Variants in EXTL3 observed in about 807,000 individuals in gnomAD.
EXTL3 encodes exostosin-like 3.
A neutral mutation model predicts 69.3 loss-of-function variants in EXTL3; 27 were observed. That is an observed-to-expected ratio of 0.39 (90% CI 0.29 to 0.54). The LOEUF is 0.54. Among genes scored for constraint, EXTL3 ranks in the 20% least tolerant of loss-of-function variants. The pLI is 0.69. For synonymous variants in EXTL3, 511 were observed against 499.4 expected (o/e 1.02, Z -0.31); for missense variants, 1,003 against 1,231.8 (o/e 0.81, Z 2.78).
At position 28,720,297 on chromosome 8, in the gene EXTL3, G is replaced by C. The variant is rs534994909; in HGVS notation, c.2148+2090G>C. ...AGACGTAGCCAATTCAATACGCTAA[G>C]GTTAATTTTTATAAATTTAGCACCA... On this transcript the variant is annotated intron_variant, in intron 3 of 6. Coordinates refer to ENST00000220562, the MANE Select transcript of EXTL3 (RefSeq NM_001440.4). Among the ~76,000 whole-genome samples the C allele has an allele frequency of 6.4e-4, 98 of 152,244 alleles. 2 individuals are homozygous for C. The highest frequency in any genetic ancestry group is 6.3e-3 in the Admixed American group (97 of 15,288).
At chr8:28,609,853 G>A (rs1201304948) in intron 2 of EXTL3, among the ~76,000 whole-genome samples, 7 of 150,206 alleles carry the variant, frequency 4.7e-5, no homozygotes, top group Admixed American at 1.3e-4. Flanking sequence ...TGGAGCTACT[G>A]CACTCCAGCC....
intron 1 of EXTL3, among the ~76,000 whole-genome samples, chr8:28,677,911 A>T (rs2130654148): frequency 6.6e-6 from 1 of 152,340 alleles, no homozygotes; most frequent in East Asian, 1.9e-4. Context: ...GAGGTCCTTC[A>T]TCTTCTTCTC....
At chr8:28,660,838 C>CTTTTTTTTTTTTTTTTTTTTT (rs58151386) in intron 1 of EXTL3, among the ~76,000 whole-genome samples, 3 of 46,956 alleles carry the variant, frequency 6.4e-5, no homozygotes, top group East Asian at 8.7e-4. Context: ...CGATTTTTGG[C>CTTTTTTTTTTTTTTTTTTTTT]TTTTTTTTTT....
chr8:28,713,327 C>T, intron 1 of EXTL3, 130 bp from the exon 2 acceptor site: 1 of 580,280 alleles, frequency 1.7e-6, no homozygotes, highest in East Asian at 2.8e-5. Flanking sequence ...TTGGTGACCT[C>T]ATGTACATAA....
chr8:28,688,036 T>C (rs183501946), intron 1 of EXTL3, among the ~76,000 whole-genome samples: 4 of 150,820 alleles, frequency 2.7e-5, no homozygotes, highest in Admixed American at 6.6e-5. Flanking sequence ...GATTAAAGAG[T>C]GAATGACAGT....
intron 6 of EXTL3, among the ~76,000 whole-genome samples, chr8:28,747,485 T>C (rs939387553): frequency 3.3e-5 from 5 of 152,164 alleles, no homozygotes; most frequent in Admixed American, 3.3e-4. Context: ...TGATTACTCT[T>C]CCACTATTAA....
At chr8:28,622,250 T>C (rs1333358192), upstream of EXTL3, among the ~76,000 whole-genome samples, 1 of 152,176 alleles carries the variant, frequency 6.6e-6, no homozygotes, top group African/African-American at 2.4e-5. Flanking sequence ...AAGCGGGAGG[T>C]AGCCCCGCAC....
chr8:28,697,443 T>C (rs1800701424), upstream of EXTL3: 1 of 152,258 alleles, frequency 6.6e-6, no homozygotes, highest in Non-Finnish European at 1.5e-5. Flanking sequence ...GTCCTTGTGA[T>C]TGTGCTCCAG....
rs1177294861 is a variant in EXTL3, at chr8:28,754,273, C to T, written c.*3407C>T. The stretch of plus-strand genomic sequence containing the variant: ...TGCTTGGCTGTGGGATCAGAGGCTT[C>T]CTCAGGAGAGGGCACTGAGCTGTGG... On this transcript the variant is annotated 3_prime_UTR_variant, in exon 7 of 7. Coordinates refer to ENST00000220562, the MANE Select transcript of EXTL3 (RefSeq NM_001440.4). 6.6e-6 allele frequency: 1 copy of T among 152,348 alleles called. No individual in the cohort carries two copies. Among genetic ancestry groups the T allele is most frequent in the Non-Finnish European group, 1.5e-5 (1 of 68,222 alleles). 9.4% of individuals were successfully genotyped at this position (152,348 alleles called of 1,614,324 possible). A position where few individuals can be genotyped will look rare whatever the true frequency, so the allele number is the denominator to read the frequency against.
chr8:28,647,900 G>A (rs891910927), intron 1 of EXTL3, among the ~76,000 whole-genome samples: 1 of 148,522 alleles, frequency 6.7e-6, no homozygotes, highest in Admixed American at 6.8e-5. Context: ...AGGAGAAGTC[G>A]GGGTGCAGCC....
upstream of EXTL3, among the ~76,000 whole-genome samples, chr8:28,620,858 G>A (rs1365450231): frequency 6.6e-6 from 1 of 152,036 alleles, no homozygotes; most frequent in Non-Finnish European, 1.5e-5. Context: ...CTGGGGCTAT[G>A]GTGGGCACCA....
chr8:28,668,185 C>G (rs1046283342), intron 1 of EXTL3, among the ~76,000 whole-genome samples: 1 of 148,798 alleles, frequency 6.7e-6, no homozygotes, highest in South Asian at 2.1e-4. Flanking sequence ...GAGGATTGCT[C>G]GAGCCCAGGA....
At chr8:28,658,540 C>T (rs957012984) in intron 1 of EXTL3, among the ~76,000 whole-genome samples, 2 of 152,136 alleles carry the variant, frequency 1.3e-5, no homozygotes, top group African/African-American at 4.8e-5. Context: ...CCCCCTGCCC[C>T]CGCACTTATC....
chr8:28,703,260 T>G (rs1800850049), intron 1 of EXTL3, among the ~76,000 whole-genome samples: 1 of 152,152 alleles, frequency 6.6e-6, no homozygotes, highest in East Asian at 1.9e-4. Flanking sequence ...TAAAAAATGA[T>G]TGACAGGCGT....
chr8:28,716,359 C>T lies in EXTL3; in HGVS notation c.300C>T (p.Arg100=), dbSNP rs993707572. Residue 100 remains arginine (R), a synonymous_variant, in exon 3 of 7, where the codon CGC becomes CGT. Coordinates refer to ENST00000220562, the MANE Select transcript of EXTL3 (RefSeq NM_001440.4). This position sits in a 1 kb window ranked among gnomAD's most constrained non-coding sequence, Gnocchi z 7.1. ...SEELLQLEAK[R]QELNSEIAKL... is the part of the protein sequence containing the mutation. Reference sequence around the variant, plus strand: ...AGCTCCTGCAGCTGGAGGCCAAGCGCCAAGAGCTGAACAGCGAGATCGCCA... The same window carrying T: ...AGCTCCTGCAGCTGGAGGCCAAGCGTCAAGAGCTGAACAGCGAGATCGCCA... 8.1e-6 allele frequency: 13 copies of T among 1,614,074 alleles called. No homozygotes were observed. The highest frequency in any genetic ancestry group is 1.0e-5 in the Non-Finnish European group (12 of 1,180,032).
At position 28,713,975 on chromosome 8, in the gene EXTL3, C is replaced by T. The variant is rs574132483; in HGVS notation, c.-476+425C>T. ...GGGCTGGAGTGCAATGGTGCGATCTCGGCTCACTGCAACCTCCACCTCCCG... is the reference window on the plus strand; with the variant it reads ...GGGCTGGAGTGCAATGGTGCGATCTTGGCTCACTGCAACCTCCACCTCCCG... On this transcript the variant is annotated intron_variant, in intron 2 of 6. Transcript: ENST00000220562. Among the ~76,000 whole-genome samples the T allele has an allele frequency of 1.1e-4, 15 of 140,610 alleles. No individual in the cohort carries two copies. The South Asian group carries it at 3.1e-3, about 29-fold the overall frequency. 92.2% of individuals were successfully genotyped at this position (140,610 alleles called of 152,430 possible).
intron 1 of EXTL3, among the ~76,000 whole-genome samples, chr8:28,679,664 A>G (rs1807450084): frequency 6.6e-6 from 1 of 151,672 alleles, no homozygotes; most frequent in African/African-American, 2.4e-5. Context: ...TCAAGGCTGC[A>G]GTGAGCTATG....
At chr8:28,630,493 A>T (rs1806556278) in intron 1 of EXTL3, among the ~76,000 whole-genome samples, 1 of 152,228 alleles carries the variant, frequency 6.6e-6, no homozygotes, top group Admixed American at 6.6e-5. Context: ...TTAAAAAATA[A>T]GGCACTAGGG....
At chr8:28,647,996 T>A (rs1372471726) in intron 1 of EXTL3, among the ~76,000 whole-genome samples, 1 of 151,608 alleles carries the variant, frequency 6.6e-6, no homozygotes, top group East Asian at 1.9e-4. Flanking sequence ...TGGAGGTCCT[T>A]TGATGCTGGT....
Sources: allele counts gnomAD v4.1 joint callset (sites outside exome capture counted in the v4.1 genomes callset), GRCh38; gene constraint gnomAD v4.1.1; non-coding constraint Gnocchi (gnomAD v3.1); transcripts MANE v1.5; gene names NCBI Gene and HGNC (gene_info 2026-07-23, HGNC 2026-07-21).